Variants in SLC20A2 observed in about 807,000 individuals in gnomAD.
The protein encoded by SLC20A2 is solute carrier family 20 member 2.
Under a neutral mutation model 61.0 loss-of-function variants are expected in SLC20A2, and 30 were observed. The observed-to-expected ratio is 0.49, with a 90% CI of 0.37 to 0.67. The LOEUF is 0.67. Among genes scored for constraint, SLC20A2 ranks in the 30% least tolerant of loss-of-function variants. The probability of loss-of-function intolerance (pLI) is 0.00; values close to 1 mark genes in which losing one functional copy is unlikely to be tolerated. For synonymous variants in SLC20A2, 351 were observed against 353.3 expected, an observed-to-expected ratio of 0.99 and a Z score of 0.07; for missense variants, 626 against 866.4, an observed-to-expected ratio of 0.72 and a Z score of 3.48.
At chr8:42,512,250 TC>T (rs1811072800) in intron 1 of SLC20A2, among the ~76,000 whole-genome samples, 1 of 152,032 alleles carries the variant, frequency 6.6e-6, no homozygotes, top group African/African-American at 2.4e-5. Flanking sequence ...CTGAAAATTA[TC>T]CTTTTTAGTT....
At chr8:42,455,335 T>C (rs866350603) in intron 5 of SLC20A2, among the ~76,000 whole-genome samples, 9 of 143,038 alleles carry the variant, frequency 6.3e-5, no homozygotes, top group Middle Eastern at 4.2e-3. Context: ...CCAGAAGACA[T>C]TTTAAAGAGA....
At chr8:42,504,000 C>T (rs1032537765), upstream of SLC20A2, among the ~76,000 whole-genome samples, 5 of 152,192 alleles carry the variant, frequency 3.3e-5, no homozygotes, top group Non-Finnish European at 1.5e-5. Flanking sequence ...AGTGCAGTGG[C>T]ACAATCATGG....
At chr8:42,539,259 C>A (rs1277642520) in intron 1 of SLC20A2, among the ~76,000 whole-genome samples, 1 of 152,186 alleles carries the variant, frequency 6.6e-6, no homozygotes, top group Non-Finnish European at 1.5e-5. Flanking sequence ...GACACACATC[C>A]AACTCTCCAG....
At chr8:42,461,138 T>C (rs1407690895) in intron 4 of SLC20A2, among the ~76,000 whole-genome samples, 2 of 152,108 alleles carry the variant, frequency 1.3e-5, no homozygotes, top group Non-Finnish European at 2.9e-5. Context: ...CAGGGCAGAA[T>C]GAGACTCAAG....
chr8:42,520,800 G>A (rs1402779745), intron 1 of SLC20A2, among the ~76,000 whole-genome samples: 1 of 118,146 alleles, frequency 8.5e-6, no homozygotes, highest in African/African-American at 2.6e-5. Context: ...CAAATGTACT[G>A]TCTGAGAACG....
At chr8:42,539,948 C>T (rs943669028) in intron 1 of SLC20A2, among the ~76,000 whole-genome samples, 3 of 152,166 alleles carry the variant, frequency 2.0e-5, no homozygotes, top group East Asian at 3.8e-4. Flanking sequence ...CTATGGGTAA[C>T]ATTTTATATT....
At chr8:42,496,687 T>A (rs1406898104) in intron 1 of SLC20A2, among the ~76,000 whole-genome samples, 1 of 152,264 alleles carries the variant, frequency 6.6e-6, no homozygotes, top group African/African-American at 2.4e-5. Flanking sequence ...CCCTCTCCTC[T>A]ATCTCTAGTG....
intron 5 of SLC20A2, among the ~76,000 whole-genome samples, chr8:42,455,239 A>ATAT (rs1406971999): frequency 3.5e-4 from 34 of 97,274 alleles, no homozygotes; most frequent in African/African-American, 1.4e-3. Context: ...AAAAAAAAAA[A>ATAT]AAATATATAT....
intron 1 of SLC20A2, among the ~76,000 whole-genome samples, chr8:42,479,721 A>T (rs541728126): frequency 1.3e-5 from 2 of 152,238 alleles, no homozygotes; most frequent in South Asian, 4.1e-4. Flanking sequence ...GCCACTCGGG[A>T]GGCTGAGGCA....
At chr8:42,515,151 A>G (rs1811254567) in intron 1 of SLC20A2, among the ~76,000 whole-genome samples, 1 of 152,218 alleles carries the variant, frequency 6.6e-6, no homozygotes, top group Non-Finnish European at 1.5e-5. Flanking sequence ...CAGACGTTAA[A>G]TTAGCTTGTC....
chr8:42,499,062 G>C (rs1660299207), intron 1 of SLC20A2, among the ~76,000 whole-genome samples: 1 of 152,230 alleles, frequency 6.6e-6, no homozygotes, highest in African/African-American at 2.4e-5. Flanking sequence ...ACGTGGAGGA[G>C]TAGGATGAGA....
chr8:42,518,265 C>T (rs886187686), intron 1 of SLC20A2, among the ~76,000 whole-genome samples: 2 of 152,116 alleles, frequency 1.3e-5, no homozygotes, highest in African/African-American at 4.8e-5. Context: ...AAGGAAACAT[C>T]CTGAATGTCC....
rs116289129 is a variant in SLC20A2 at position 42,473,473 on chromosome 8, C to T, written c.-264-819G>A. On this transcript the variant is annotated intron_variant, in intron 1 of 10. Coordinates refer to ENST00000520262, the MANE Select transcript of SLC20A2 (RefSeq NM_001257180.2). ...AGGGCTTTTGTACCTGAGGATCCCTCTGCAGGAAGAATCTTCCCCCACAGC... is the reference window on the plus strand; with the variant it reads ...AGGGCTTTTGTACCTGAGGATCCCTTTGCAGGAAGAATCTTCCCCCACAGC... 4.1e-3 allele frequency among the ~76,000 whole-genome samples: 625 copies of T among 152,250 alleles called. 5 individuals are homozygous for T. Among genetic ancestry groups the T allele is most frequent in the African/African-American group, 0.014 (600 of 41,550 alleles).
Position 42,527,706 on chromosome 8 carries a change from T to C in SLC20A2, c.-265+14115A>G, listed in dbSNP as rs555463938. On this transcript the variant is annotated intron_variant, in intron 1 of 10. Coordinates refer to the SLC20A2 transcript ENST00000342228. ...TCGCTTAAACCCAGGAGGTGGAGGC[T>C]GCGGTGAGCCGAGATCGCGCCACTG... 2.2e-4 allele frequency among the ~76,000 whole-genome samples: 34 copies of C among 151,948 alleles called. No individual in the cohort carries two copies. In the South Asian group the frequency reaches 6.7e-3, roughly 30 times the overall value.
At position 42,470,216 on chromosome 8, in the gene SLC20A2, ATT is replaced by A. The variant is rs556198459; in HGVS notation, c.289+1884_289+1885del. ...TGGAATGAAAGTGATCTTGAACCTGATTTTTTTTTTTTTTTTTTTGAGACAGG... is the reference window on the plus strand; with the variant it reads ...TGGAATGAAAGTGATCTTGAACCTGATTTTTTTTTTTTTTTTTGAGACAGG... On this transcript the variant is annotated intron_variant, in intron 2 of 10. Transcript: ENST00000520262. Among the ~76,000 whole-genome samples, 774 of 132,828 alleles carry A rather than the reference ATT, an allele frequency of 5.8e-3. 7 individuals carry two copies. The highest frequency in any genetic ancestry group is 0.019 in the African/African-American group (664 of 35,360). 87.1% of individuals were successfully genotyped at this position (132,828 alleles called of 152,430 possible).
chr8:42,464,289 T>G (rs1806982412), intron 3 of SLC20A2, among the ~76,000 whole-genome samples: 2 of 149,366 alleles, frequency 1.3e-5, no homozygotes, highest in South Asian at 4.3e-4. Flanking sequence ...CTTTCTTTTT[T>G]TTTTTTTTTT....
At chr8:42,533,516 T>G (rs1386486590) in intron 1 of SLC20A2, among the ~76,000 whole-genome samples, 1 of 151,934 alleles carries the variant, frequency 6.6e-6, no homozygotes, top group Non-Finnish European at 1.5e-5. Flanking sequence ...CTCGGGAGGC[T>G]GAAGCACGAG....
chr8:42,460,230 A>G, intron 4 of SLC20A2: 1 of 397,276 alleles, frequency 2.5e-6, no homozygotes. Context: ...TGGCCAGCAG[A>G]CACATTAAAG....
intron 1 of SLC20A2, among the ~76,000 whole-genome samples, chr8:42,535,572 T>C (rs191645248): frequency 8.9e-4 from 135 of 152,338 alleles, no homozygotes; most frequent in African/African-American, 2.7e-3. Context: ...CACTCCGCTG[T>C]AAGATGAACT....
Sources: allele counts gnomAD v4.1 joint callset (sites outside exome capture counted in the v4.1 genomes callset), GRCh38; gene constraint gnomAD v4.1.1; transcripts MANE v1.5; gene names NCBI Gene and HGNC (gene_info 2026-07-23, HGNC 2026-07-21).